The following MCFD2 variants were observed in gnomAD, a reference collection of about 807,000 sequenced individuals.
The protein encoded by MCFD2 is multiple coagulation factor deficiency 2, ER cargo receptor complex subunit, also known as multiple coagulation factor deficiency protein 2.
In MCFD2, 11 loss-of-function variants were observed where a neutral mutation model predicts 12.8. That is an observed-to-expected ratio of 0.86 (90% confidence interval 0.54 to 1.42). MCFD2 has a LOEUF of 1.42. Ranked by LOEUF, MCFD2 falls within the 40% of genes most tolerant of loss-of-function variation. MCFD2 has a pLI of 0.00. For synonymous variants in MCFD2, 70 were observed against 68.1 expected (o/e 1.03, Z -0.14); for missense variants, 191 against 178.6 (o/e 1.07, Z -0.40).
At chr2:46,909,704 C>T (rs892674847) in intron 1 of MCFD2, among the ~76,000 whole-genome samples, 2 of 152,208 alleles carry the variant, frequency 1.3e-5, no homozygotes, top group South Asian at 2.1e-4. Context: ...GGCAGGTGCC[C>T]ACAAGCGGGA....
intron 1 of MCFD2, among the ~76,000 whole-genome samples, chr2:46,913,514 C>G (rs1668569409): frequency 6.6e-6 from 1 of 152,268 alleles, no homozygotes; most frequent in Non-Finnish European, 1.5e-5. Flanking sequence ...GCATAAGCAA[C>G]TCCCTCTACC....
At chr2:46,924,926 C>T (rs530322793) in intron 1 of MCFD2, among the ~76,000 whole-genome samples, 1 of 152,280 alleles carries the variant, frequency 6.6e-6, no homozygotes, top group African/African-American at 2.4e-5. Context: ...CCTGCCACAG[C>T]CTTCATTGGA....
chr2:46,934,431 G>A (rs1029963717), intron 1 of MCFD2, among the ~76,000 whole-genome samples: 1 of 152,076 alleles, frequency 6.6e-6, no homozygotes, highest in East Asian at 1.9e-4. Flanking sequence ...GCTAATTTTT[G>A]TATTTTTAGT....
rs575062262 is a variant in MCFD2, at chr2:46,941,394, CGCCGCCCGGGCCCCCGCT to C, written c.-8+160_-8+177del. 51,728 of 710,522 alleles carry C rather than the reference CGCCGCCCGGGCCCCCGCT, an allele frequency of 0.073. 2,239 individuals are homozygous for C. Among genetic ancestry groups the C allele is most frequent in the African/African-American group, 0.1 (5,429 of 53,402 alleles). 44.0% of individuals were successfully genotyped at this position (710,522 alleles called of 1,614,324 possible). A position where few individuals can be genotyped will look rare whatever the true frequency, so the allele number is the denominator to read the frequency against. On this transcript the variant is annotated intron_variant, in intron 1 of 2. Coordinates refer to the MCFD2 transcript ENST00000409147. This position sits in a 1 kb window ranked among gnomAD's most constrained non-coding sequence, Gnocchi z 4.2. ...GCTGCTGCTGCTGCTGCCCACCCTC[CGCCGCCCGGGCCCCCGCT>C]GCCGCCCGGGCCCCGGCTGCCGTCT...
At position 46,940,577 on chromosome 2, in the gene MCFD2, C is replaced by T. The variant is rs1572667018; in HGVS notation, c.-8+995G>A. ...CCAGCATGAAGAAATAAATAAATAC[C>T]AAGGTGGTGAAACAGCCTAAAGCCT... On this transcript the variant is annotated intron_variant, in intron 1 of 2. Coordinates refer to the MCFD2 transcript ENST00000409147. This position sits in a 1 kb window ranked among gnomAD's most constrained non-coding sequence, Gnocchi z 4.7. 6.6e-6 allele frequency among the ~76,000 whole-genome samples: 1 copy of T among 152,232 alleles called. No individual in the cohort carries two copies. Among genetic ancestry groups the T allele is most frequent in the East Asian group, 1.9e-4 (1 of 5,182 alleles).
In MCFD2 at chr2:46,904,259, G is replaced by C. The variant is rs1435309394; in HGVS notation, c.*1204C>G. ...AGAGAACCTCTGCTAGGGCAGTGCA[G>C]AAGGGAAATGTGGTGTGGGAGCCCC... On this transcript the variant is annotated 3_prime_UTR_variant, in exon 4 of 4. Coordinates refer to ENST00000319466, the MANE Select transcript of MCFD2 (RefSeq NM_139279.6). 2 of 152,330 alleles carry C rather than the reference G, an allele frequency of 1.3e-5. No individual in the cohort carries two copies. Among genetic ancestry groups the C allele is most frequent in the Non-Finnish European group, 2.9e-5 (2 of 68,102 alleles). The allele number at this position is 152,330 out of a possible 1,614,324, so 9.4% of individuals were successfully genotyped here.
At position 46,937,044 on chromosome 2, in the gene MCFD2, T is replaced by C. The variant is rs893095084; in HGVS notation, c.-8+4528A>G. Among the ~76,000 whole-genome samples, 3 of 151,942 alleles carry C rather than the reference T, an allele frequency of 2.0e-5. No individual in the cohort carries two copies. The highest frequency in any genetic ancestry group is 4.8e-5 in the African/African-American group (2 of 41,398). The stretch of plus-strand genomic sequence containing the variant: ...CTAATTTTTGTATTTTTTGTAGAGA[T>C]GGGTTTTTGCCATATTGCCCAGGCT... On this transcript the variant is annotated intron_variant, in intron 1 of 2. Coordinates refer to the MCFD2 transcript ENST00000409147. The surrounding 1 kb of genome is among the most constrained non-coding windows in gnomAD (Gnocchi z 4.0).
At chr2:46,923,464 A>G (rs1669213738) in intron 1 of MCFD2, among the ~76,000 whole-genome samples, 1 of 152,230 alleles carries the variant, frequency 6.6e-6, no homozygotes, top group South Asian at 2.1e-4. Flanking sequence ...AAACAGGGTC[A>G]AAGACCAAAT....
rs997844606 is a variant in MCFD2, at chr2:46,941,364, G to GTGCTGC, written c.-8+202_-8+207dup. The GTGCTGC allele has an allele frequency of 6.5e-5, 25 of 384,046 alleles. 1 individual carries two copies. The highest frequency in any genetic ancestry group is 1.1e-4 in the South Asian group (1 of 9,214). The allele number at this position is 384,046 out of a possible 1,614,324, so 23.8% of individuals were successfully genotyped here. ...CCGGGCGGTGCGCTGGGAGCTGCTGGTGCTGCTGCTGCTGCTGCTGCCCAC... is the reference window on the plus strand; with the variant it reads ...CCGGGCGGTGCGCTGGGAGCTGCTGGTGCTGCTGCTGCTGCTGCTGCTGCTGCCCAC... On this transcript the variant is annotated intron_variant, in intron 1 of 2. Coordinates refer to the MCFD2 transcript ENST00000409147. This position sits in a 1 kb window ranked among gnomAD's most constrained non-coding sequence, Gnocchi z 4.2.
Position 46,905,232 on chromosome 2 carries a change from C to T in MCFD2, c.*231G>A. The T allele has an allele frequency of 5.6e-6, 3 of 540,520 alleles. 1 individual carries two copies. The highest frequency in any genetic ancestry group is 1.0e-3 in the Middle Eastern group (2 of 1,952). The allele number at this position is 540,520 out of a possible 1,614,324, so 33.5% of individuals were successfully genotyped here. ...TACAGACTAATACAGATGCTTGAAGCAAGCCCTTGTCCAATAAGGTATTTA... is the reference window on the plus strand; with the variant it reads ...TACAGACTAATACAGATGCTTGAAGTAAGCCCTTGTCCAATAAGGTATTTA... On this transcript the variant is annotated 3_prime_UTR_variant, in exon 4 of 4. Coordinates refer to ENST00000319466, the MANE Select transcript of MCFD2 (RefSeq NM_139279.6).
rs1016431709 is a variant in MCFD2 at position 46,937,288 on chromosome 2, G to A, written c.-8+4284C>T. On this transcript the variant is annotated intron_variant, in intron 1 of 2. Transcript: ENST00000409147. This position sits in a 1 kb window ranked among gnomAD's most constrained non-coding sequence, Gnocchi z 4.0. Reference sequence around the variant, plus strand: ...TGCTATTTCTTTTCCCCTACCCTATGCTCCTCCATCTCCCTCTGCCCTTTT... The same window carrying A: ...TGCTATTTCTTTTCCCCTACCCTATACTCCTCCATCTCCCTCTGCCCTTTT... 3.3e-5 allele frequency among the ~76,000 whole-genome samples: 5 copies of A among 151,800 alleles called. No individual in the cohort carries two copies. The highest frequency in any genetic ancestry group is 1.2e-4 in the African/African-American group (5 of 41,280).
intron 1 of MCFD2, among the ~76,000 whole-genome samples, chr2:46,926,754 CAA>C (rs1440373456): frequency 5.9e-5 from 9 of 152,302 alleles, no homozygotes; most frequent in African/African-American, 2.2e-4. Flanking sequence ...CATGAGGAAA[CAA>C]GACAGTGTGA....
intron 1 of MCFD2, among the ~76,000 whole-genome samples, chr2:46,928,845 G>T (rs71423929): frequency 0.06 from 9,102 of 152,182 alleles, 470 homozygotes; most frequent in African/African-American, 0.13. Context: ...AGAGGGGTAG[G>T]GGGGGAAGCT....
chr2:46,934,479 GA>G (rs1669866300), intron 1 of MCFD2, among the ~76,000 whole-genome samples: 1 of 152,024 alleles, frequency 6.6e-6, no homozygotes. Flanking sequence ...GGCTGGTCTT[GA>G]ACTGGCTGGT....
At chr2:46,924,610 A>G (rs575570401) in intron 1 of MCFD2, among the ~76,000 whole-genome samples, 4 of 152,070 alleles carry the variant, frequency 2.6e-5, no homozygotes, top group Non-Finnish European at 5.9e-5. Flanking sequence ...GTACCTTACT[A>G]TTCATTGGAT....
At chr2:46,927,307 T>C (rs983442022) in intron 1 of MCFD2, among the ~76,000 whole-genome samples, 1 of 151,394 alleles carries the variant, frequency 6.6e-6, no homozygotes, top group Non-Finnish European at 1.5e-5. Flanking sequence ...AAAATAAGTC[T>C]GTAGAAAACC....
chr2:46,939,011 A>C (rs1437385045), intron 1 of MCFD2, among the ~76,000 whole-genome samples: 4 of 123,446 alleles, frequency 3.2e-5, no homozygotes, highest in African/African-American at 1.4e-4. Flanking sequence ...ACTCTGTCTC[A>C]AAAAAAAAAA....
intron 1 of MCFD2, among the ~76,000 whole-genome samples, chr2:46,932,752 T>G (rs761003564): frequency 1.1e-4 from 17 of 151,492 alleles, no homozygotes; most frequent in Non-Finnish European, 8.8e-5. Flanking sequence ...GATACAAAAA[T>G]TAGCCAAGAG....
Position 46,941,833 on chromosome 2 carries a change from C to T in MCFD2, c.-269G>A. The T allele has an allele frequency of 7.1e-7, 1 of 1,403,542 alleles. No homozygotes were observed. The highest frequency in any genetic ancestry group is 1.4e-5 in the African/African-American group (1 of 69,926). The allele number at this position is 1,403,542 out of a possible 1,614,324, so 86.9% of individuals were successfully genotyped here. On this transcript the variant is annotated 5_prime_UTR_variant, in exon 1 of 3. Coordinates refer to the MCFD2 transcript ENST00000409147. The surrounding 1 kb of genome is among the most constrained non-coding windows in gnomAD (Gnocchi z 4.2). ...TCGGCCGACAGCGGGCGCCTGCCAG[C>T]CCACCGTGCTAGTCTTAAGAGCAGC...
Sources: allele counts gnomAD v4.1 joint callset (sites outside exome capture counted in the v4.1 genomes callset), GRCh38; gene constraint gnomAD v4.1.1; non-coding constraint Gnocchi (gnomAD v3.1); transcripts MANE v1.5; gene names NCBI Gene and HGNC (gene_info 2026-07-23, HGNC 2026-07-21).